The following FAT3 variants were observed in gnomAD, a reference collection of about 807,000 sequenced individuals.
The protein encoded by FAT3 is FAT atypical cadherin 3.
A neutral mutation model predicts 310.2 loss-of-function variants in FAT3; 95 were observed. That is an observed-to-expected ratio of 0.31 (90% CI 0.26 to 0.36). FAT3 has a LOEUF of 0.36. Ranked by LOEUF, FAT3 falls within the 10% of genes least tolerant of loss-of-function variation. FAT3 has a pLI of 1.00. For synonymous variants in FAT3, 2,314 were observed against 2,192.9 expected (o/e 1.06, Z -1.54); for missense variants, 5,408 against 5,715.6 (o/e 0.95, Z 1.74).
At chr11:92,851,326 G>A (rs1347848723) in intron 19 of FAT3, among the ~76,000 whole-genome samples, 2 of 152,094 alleles carry the variant, frequency 1.3e-5, no homozygotes, top group Non-Finnish European at 2.9e-5. Context: ...TATAATAAAT[G>A]TTTTTCTTTA....
Position 92,647,081 on chromosome 11 carries a change from C to T in FAT3, c.3608-50303C>T, listed in dbSNP as rs547790544. Among the ~76,000 whole-genome samples, 258 of 152,164 alleles carry T rather than the reference C, an allele frequency of 1.7e-3. 2 individuals are homozygous for T. Among genetic ancestry groups the T allele is most frequent in the Admixed American group, 5.9e-3 (90 of 15,280 alleles). On this transcript the variant is annotated intron_variant, in intron 3 of 27. Transcript: ENST00000525166. Reference sequence around the variant, plus strand: ...AGGATGCTCAGACCCAAGATTGAAACTGAATCAATAATGTTGAGCCTTCCA... The same window carrying T: ...AGGATGCTCAGACCCAAGATTGAAATTGAATCAATAATGTTGAGCCTTCCA...
chr11:92,879,359 C>T (rs1227008824), intron 22 of FAT3, among the ~76,000 whole-genome samples: 1 of 152,184 alleles, frequency 6.6e-6, no homozygotes, highest in Non-Finnish European at 1.5e-5. Context: ...CAGAGGACAA[C>T]ATTCAGGGTG....
chr11:92,453,274 T>A (rs1454119277), intron 2 of FAT3, among the ~76,000 whole-genome samples: 3 of 152,188 alleles, frequency 2.0e-5, no homozygotes, highest in Admixed American at 6.5e-5. Context: ...TTGCTTCCTA[T>A]TCACCAGTAA....
intron 3 of FAT3, among the ~76,000 whole-genome samples, chr11:92,619,216 T>C (rs1467907990): frequency 6.6e-6 from 1 of 152,202 alleles, no homozygotes; most frequent in Non-Finnish European, 1.5e-5. Flanking sequence ...TAACCTTTTT[T>C]ATTCTTTGCT....
At chr11:92,394,617 G>T (rs1474837296) in intron 2 of FAT3, among the ~76,000 whole-genome samples, 1 of 150,500 alleles carries the variant, frequency 6.6e-6, no homozygotes, top group East Asian at 1.9e-4. Flanking sequence ...TGATCTATTG[G>T]TATCTCAGTT....
chr11:92,413,988 T>G (rs1430472062), intron 2 of FAT3, among the ~76,000 whole-genome samples: 1 of 152,138 alleles, frequency 6.6e-6, no homozygotes, highest in Non-Finnish European at 1.5e-5. Flanking sequence ...TAGAAACAGG[T>G]AACAGCCACA....
At chr11:92,686,138 G>C (rs1361586762) in intron 3 of FAT3, among the ~76,000 whole-genome samples, 1 of 152,156 alleles carries the variant, frequency 6.6e-6, no homozygotes, top group Non-Finnish European at 1.5e-5. Context: ...ATGAGAGATG[G>C]TACTTCCTCC....
chr11:92,511,303 A>T (rs1489495866), intron 2 of FAT3, among the ~76,000 whole-genome samples: 1 of 152,168 alleles, frequency 6.6e-6, no homozygotes. Flanking sequence ...TCTGAAATTG[A>T]CTATAAGCTT....
Position 92,837,665 on chromosome 11 carries a change from G to A in FAT3, c.10227G>A (p.Val3409=). The A allele has an allele frequency of 6.2e-7, 1 of 1,613,776 alleles. No individual in the cohort carries two copies. The highest frequency in any genetic ancestry group is 8.5e-7 in the Non-Finnish European group (1 of 1,179,814). ...KVKKKLDRER[V]SGYSLLVQAV... ...GTCACCTCTTTGTACCTTGGCAGGT[G>A]TCTGGATACTCTCTGCTTGTCCAGG... The change falls in exon 17 of 28, where the codon GTG becomes GTA. Residue 3409 remains valine, a splice_region_variant and synonymous_variant. Transcript: ENST00000525166.
At chr11:92,544,452 A>C (rs508900) in intron 3 of FAT3, among the ~76,000 whole-genome samples, 57,732 of 151,992 alleles carry the variant, frequency 0.38, 11,865 homozygotes, top group Middle Eastern at 0.53. Flanking sequence ...GAATGCTTCA[A>C]ATTATCTCAT....
In FAT3 at chr11:92,769,817, C is replaced by T. The variant is rs1946415204; in HGVS notation, c.4196-4224C>T. 1.3e-5 allele frequency among the ~76,000 whole-genome samples: 2 copies of T among 152,202 alleles called. 1 individual carries two copies. Among genetic ancestry groups the T allele is most frequent in the Non-Finnish European group, 2.9e-5 (2 of 68,038 alleles). ...ACCCTTCATTTGTCATAGGTTCCTT[C>T]AAACTTTGGGCTCCAGGCTGCTGCT... On this transcript the variant is annotated intron_variant, in intron 6 of 27. Coordinates refer to ENST00000525166, the MANE Select transcript of FAT3 (RefSeq NM_001367949.2).
intron 1 of FAT3, among the ~76,000 whole-genome samples, chr11:92,251,694 A>G (rs928911854): frequency 2.0e-5 from 3 of 149,154 alleles, no homozygotes; most frequent in Non-Finnish European, 3.0e-5. Context: ...TGACTTTTGT[A>G]TTGATTGAAT....
intron 4 of FAT3, among the ~76,000 whole-genome samples, chr11:92,731,453 C>T (rs1008318735): frequency 6.6e-6 from 1 of 152,114 alleles, no homozygotes; most frequent in African/African-American, 2.4e-5. Context: ...TCAACACCAC[C>T]CATCTTTCAA....
intron 3 of FAT3, among the ~76,000 whole-genome samples, chr11:92,621,853 G>A (rs768307775): frequency 8.5e-5 from 13 of 152,094 alleles, no homozygotes; most frequent in African/African-American, 2.7e-4. Context: ...CACGATCAGC[G>A]GAGCCCTTTA....
chr11:92,520,975 T>G (rs1247268869), intron 2 of FAT3, among the ~76,000 whole-genome samples: 2 of 152,132 alleles, frequency 1.3e-5, no homozygotes, highest in African/African-American at 4.8e-5. Flanking sequence ...GTATTTTGAT[T>G]TGTATTAGTG....
chr11:92,498,346 C>T, intron 2 of FAT3: 1 of 237,254 alleles, frequency 4.2e-6, no homozygotes. Context: ...CAAGCCTTTT[C>T]TTTGTCTTTT....
chr11:92,455,334 T>C (rs1214787413), intron 2 of FAT3, among the ~76,000 whole-genome samples: 1 of 152,176 alleles, frequency 6.6e-6, no homozygotes, highest in Non-Finnish European at 1.5e-5. Flanking sequence ...TTCCCAGAAA[T>C]TGTGGCTCTG....
intron 2 of FAT3, among the ~76,000 whole-genome samples, chr11:92,497,945 C>T (rs1326211696): frequency 6.6e-6 from 1 of 152,000 alleles, no homozygotes; most frequent in African/African-American, 2.4e-5. Context: ...GTTGACTCAA[C>T]AGATATTTAT....
intron 1 of FAT3, among the ~76,000 whole-genome samples, chr11:92,259,427 A>C (rs868035185): frequency 1.2e-4 from 19 of 152,258 alleles, no homozygotes; most frequent in Middle Eastern, 6.8e-3. Flanking sequence ...AGCAGCACAT[A>C]CATTGGCCAT....
Sources: allele counts gnomAD v4.1 joint callset (sites outside exome capture counted in the v4.1 genomes callset), GRCh38; gene constraint gnomAD v4.1.1; transcripts MANE v1.5; gene names NCBI Gene and HGNC (gene_info 2026-07-23, HGNC 2026-07-21).